Variants in INPP5K observed in about 807,000 individuals in gnomAD.
INPP5K encodes inositol polyphosphate 5-phosphatase K.
INPP5K carries 35 observed loss-of-function variants against 53.5 expected under a neutral mutation model. The ratio of observed to expected loss-of-function variants is 0.65; its 90% CI spans 0.50 to 0.87. The LOEUF (loss-of-function observed/expected upper bound fraction) is 0.87, where lower values mean the gene tolerates loss of function less well. Ranked by LOEUF, INPP5K falls within the 40% of genes least tolerant of loss-of-function variation. The pLI is 0.00. For synonymous variants in INPP5K, 253 were observed against 232.8 expected (o/e 1.09, Z -0.79); for missense variants, 550 against 586.2 (o/e 0.94, Z 0.64).
At chr17:1,500,502 T>G (rs559419525) in intron 7 of INPP5K, among the ~76,000 whole-genome samples, 5 of 152,232 alleles carry the variant, frequency 3.3e-5, no homozygotes, top group African/African-American at 9.6e-5. Flanking sequence ...ATAGCTGGGA[T>G]TACAGGCGCC....
chr17:1,512,947 C>T (rs74475760), intron 3 of INPP5K, among the ~76,000 whole-genome samples: 13,483 of 152,244 alleles, frequency 0.089, 806 homozygotes, highest in East Asian at 0.14. Flanking sequence ...GATCTGGATC[C>T]AAATCCCAGA....
chr17:1,496,343 G>C lies in INPP5K; in HGVS notation c.1161C>G (p.Val387=), dbSNP rs2074838256. The change falls in exon 10 of 12, where the codon GTC becomes GTG. Residue 387 remains valine, a synonymous_variant. Coordinates refer to ENST00000421807, the MANE Select transcript of INPP5K (RefSeq NM_016532.4). ...VSYAWVGDSK[V]SCSDNLNQVY... ...CCTGGTTCAGGTTGTCGCTGCAGGA[G>C]ACCTTGCTGTCCCCGACCCAGGCAT... is the stretch of plus-strand genomic sequence containing the variant. The C allele has an allele frequency of 3.8e-6, 6 of 1,563,370 alleles. No individual in the cohort carries two copies. In the East Asian group the frequency reaches 1.4e-4, roughly 37 times the overall value.
At chr17:1,514,434 A>ATAC (rs2075385533) in intron 1 of INPP5K, among the ~76,000 whole-genome samples, 1 of 152,046 alleles carries the variant, frequency 6.6e-6, no homozygotes, top group Non-Finnish European at 1.5e-5. Flanking sequence ...GGGAATGGGG[A>ATAC]TACTGAACCA....
At chr17:1,503,803 G>A (rs1318603825) in intron 7 of INPP5K, among the ~76,000 whole-genome samples, 9 of 152,080 alleles carry the variant, frequency 5.9e-5, no homozygotes, top group African/African-American at 2.4e-5. Context: ...CAGGATTCCC[G>A]CCCTGCCCTC....
chr17:1,512,312 G>A (rs1475951510), intron 3 of INPP5K, among the ~76,000 whole-genome samples: 2 of 152,144 alleles, frequency 1.3e-5, no homozygotes, highest in Non-Finnish European at 2.9e-5. Context: ...GAGAGAAGTG[G>A]TTGTGTCCTC....
intron 8 of INPP5K, 193 bp downstream of exon 8, chr17:1,497,743 C>G (rs551474721): frequency 1.8e-6 from 1 of 567,144 alleles, no homozygotes; most frequent in Non-Finnish European, 3.2e-6. Flanking sequence ...GGTTTGAACA[C>G]GGTTTTGACA....
chr17:1,509,469 A>C, intron 4 of INPP5K, 116 bp from the exon 5 acceptor site: 1 of 1,060,366 alleles, frequency 9.4e-7, no homozygotes, highest in South Asian at 1.5e-5. Flanking sequence ...TCCTAGGGAC[A>C]GTAACTAAGC....
At position 1,516,542 on chromosome 17, in the gene INPP5K, TC is replaced by T; in HGVS notation, c.-44del. ...CGCGGTGGTCCGGCAGGTTCGCGTC[TC>T]CCGGCCAGCGGGTCCCGGCCAGAGC... On this transcript the variant is annotated 5_prime_UTR_variant, in exon 1 of 12. Coordinates refer to ENST00000421807, the MANE Select transcript of INPP5K (RefSeq NM_016532.4). 6.5e-7 allele frequency: 1 copy of T among 1,533,704 alleles called. No individual in the cohort carries two copies. The highest frequency in any genetic ancestry group is 1.2e-5 in the South Asian group (1 of 83,226).
intron 7 of INPP5K, among the ~76,000 whole-genome samples, chr17:1,499,419 G>C (rs2074948035): frequency 6.6e-6 from 1 of 152,066 alleles, no homozygotes; most frequent in Non-Finnish European, 1.5e-5. Flanking sequence ...CTTGAAGCTG[G>C]CAGGCGGAGG....
At position 1,509,501 on chromosome 17, in the gene INPP5K, GCA is replaced by G. The variant is rs1462887895; in HGVS notation, c.379-150_379-149del. 6 of 937,462 alleles carry G rather than the reference GCA, an allele frequency of 6.4e-6. No individual in the cohort carries two copies. In the East Asian group the frequency reaches 1.0e-4, roughly 16 times the overall value. The allele number at this position is 937,462 out of a possible 1,614,324, so 58.1% of individuals were successfully genotyped here. On this transcript the variant is annotated intron_variant, in intron 4 of 11. Transcript: ENST00000421807. ...AAGCTTCCCAGGGTGATCTCTCCAT[GCA>G]CAGAGCCCAGCTCGCCTCGCCTGGC...
Position 1,513,891 on chromosome 17 carries a change from G to T in INPP5K, c.133C>A (p.Leu45Ile), listed in dbSNP as rs2075369508. 1.2e-6 allele frequency: 2 copies of T among 1,613,100 alleles called. No individual in the cohort carries two copies. Among genetic ancestry groups the T allele is most frequent in the Non-Finnish European group, 1.7e-6 (2 of 1,179,262 alleles). The change falls in exon 2 of 12, where the codon CTT becomes ATT. Residue 45 changes from leucine to isoleucine, a missense_variant. Leu to Ile is a conservative substitution (Grantham distance 5). Coordinates refer to ENST00000421807, the MANE Select transcript of INPP5K (RefSeq NM_016532.4). ...ACCTACCCAATAACATATATGTCAAGATTGAGGTTCCGGTTGTTCAGCTGA... is the reference window on the plus strand; with the variant it reads ...ACCTACCCAATAACATATATGTCAATATTGAGGTTCCGGTTGTTCAGCTGA... ...LLQLNNRNLNLDIYVIGLQEL... is the reference protein window; with the variant it reads ...LLQLNNRNLNIDIYVIGLQEL...
intron 7 of INPP5K, 37 bp downstream of exon 7, chr17:1,506,943 A>T: frequency 6.9e-7 from 1 of 1,443,336 alleles, no homozygotes; most frequent in South Asian, 1.2e-5. Flanking sequence ...GTGTAACCTG[A>T]CTTCCTAGAC....
At chr17:1,506,955 T>C (rs1432590651) in intron 7 of INPP5K, 25 bp downstream of exon 7, 3 of 1,540,042 alleles carry the variant, frequency 1.9e-6, no homozygotes, top group Non-Finnish European at 2.7e-6. Context: ...TTCCTAGACC[T>C]TCTGGCCCCC....
chr17:1,502,987 T>C (rs1344687679), intron 7 of INPP5K, among the ~76,000 whole-genome samples: 1 of 151,996 alleles, frequency 6.6e-6, no homozygotes, highest in Non-Finnish European at 1.5e-5. Context: ...CCTCCTGGAC[T>C]CAAGCAAGGC....
At chr17:1,508,068 C>T in intron 6 of INPP5K, 47 bp downstream of exon 6, 1 of 1,297,456 alleles carries the variant, frequency 7.7e-7, no homozygotes. Context: ...ACATGGCCCC[C>T]ACCGTGGGCT....
rs780690150 is a variant in INPP5K at position 1,509,812 on chromosome 17, G to C, written c.262-13C>G. On this transcript the variant is annotated splice_polypyrimidine_tract_variant and intron_variant, in intron 3 of 11. Coordinates refer to ENST00000421807, the MANE Select transcript of INPP5K (RefSeq NM_016532.4). The stretch of plus-strand genomic sequence containing the variant: ...GGACATGGGAGACCTGCAGGAGAGA[G>C]AGGGCAAAGGTCGCTCATTAAACCA... 4 of 1,548,256 alleles carry C rather than the reference G, an allele frequency of 2.6e-6. No homozygotes were observed. Among genetic ancestry groups the C allele is most frequent in the African/African-American group, 1.4e-5 (1 of 73,514 alleles).
At chr17:1,496,848 C>T in intron 8 of INPP5K, 45 bp from the exon 9 acceptor site, 4 of 1,597,998 alleles carry the variant, frequency 2.5e-6, no homozygotes, top group Non-Finnish European at 3.4e-6. Context: ...CAGCATCATT[C>T]CCTCCTCTGA....
intron 3 of INPP5K, among the ~76,000 whole-genome samples, chr17:1,510,224 C>T (rs981982277): frequency 4.0e-5 from 6 of 150,122 alleles, no homozygotes; most frequent in Admixed American, 3.3e-4. Flanking sequence ...TTTCAGCATT[C>T]TTTTTTTTTT....
Position 1,513,915 on chromosome 17 carries a change from G to A in INPP5K, c.109C>T (p.Gln37Ter). 6.2e-7 allele frequency: 1 copy of A among 1,613,648 alleles called. No individual in the cohort carries two copies. Among genetic ancestry groups the A allele is most frequent in the Non-Finnish European group, 8.5e-7 (1 of 1,179,684 alleles). The change falls in exon 2 of 12, where the codon CAG becomes TAG. Residue 37 changes from glutamine to a stop codon, truncating the protein, a stop_gained. Transcript: ENST00000421807. LOFTEE classifies it high-confidence loss of function. The part of the protein sequence containing the change: ...APPLDLSDLL[Q>*]LNNRNLNLDI... ...AGATTGAGGTTCCGGTTGTTCAGCTGAAGCAGGTCACTGAGATCTAGAGGG... is the reference window on the plus strand; with the variant it reads ...AGATTGAGGTTCCGGTTGTTCAGCTAAAGCAGGTCACTGAGATCTAGAGGG...
Sources: gnomAD v4.1 joint callset for allele counts (sites outside exome capture counted in the v4.1 genomes callset) on GRCh38, gnomAD v4.1.1 for gene constraint, MANE v1.5 for transcripts, NCBI Gene and HGNC (gene_info 2026-07-23, HGNC 2026-07-21) for gene names.